Variants in ALMS1 observed in about 807,000 individuals in gnomAD.
ALMS1 encodes the protein centrosome-associated protein ALMS1.
In ALMS1, 271 loss-of-function variants were observed where a neutral mutation model predicts 352.2. That is an observed-to-expected ratio of 0.77 (90% confidence interval 0.70 to 0.85). The LOEUF (loss-of-function observed/expected upper bound fraction) is 0.85, where lower values mean the gene tolerates loss of function less well. Ranked by LOEUF, ALMS1 falls within the 40% of genes least tolerant of loss-of-function variation. The pLI is 0.00. For missense variants in ALMS1, 5,445 were observed against 4,870.7 expected (o/e 1.12, Z -3.51); for synonymous variants, 1,865 against 1,761.2 (o/e 1.06, Z -1.48).
intron 7 of ALMS1, among the ~76,000 whole-genome samples, chr2:73,438,660 C>G (rs941590171): frequency 6.6e-6 from 1 of 152,090 alleles, no homozygotes; most frequent in African/African-American, 2.4e-5. Context: ...TCTGAAGGAG[C>G]ATGGGTAGAG....
At chr2:73,550,681 C>T (rs1285651317) in intron 13 of ALMS1, among the ~76,000 whole-genome samples, 2 of 151,952 alleles carry the variant, frequency 1.3e-5, no homozygotes, top group African/African-American at 4.8e-5. Context: ...AAATATGATA[C>T]AACTTTTGAA....
Position 73,588,288 on chromosome 2 carries a change from C to G in ALMS1, c.11548-11113C>G, listed in dbSNP as rs148025841. Among the ~76,000 whole-genome samples the G allele has an allele frequency of 4.9e-3, 751 of 151,948 alleles. 4 individuals are homozygous for G. Among genetic ancestry groups the G allele is most frequent in the Non-Finnish European group, 8.0e-3 (544 of 67,932 alleles). ...CCCCTGCAGTCTCTGCAGTCCAGGC[C>G]CTCTTCTCTCTCTATGATCTCTTTG... On this transcript the variant is annotated intron_variant, in intron 16 of 22. Transcript: ENST00000613296.
Position 73,573,419 on chromosome 2 carries a change from A to G in ALMS1, c.11542A>G (p.Ile3848Val), listed in dbSNP as rs766018286. The G allele has an allele frequency of 2.3e-5, 37 of 1,614,030 alleles. No homozygotes were observed. In the South Asian group the frequency reaches 3.4e-4, roughly 15 times the overall value. The change falls in exon 16 of 23, where the codon ATC (isoleucine) becomes GTC (valine). Residue 3848 changes from isoleucine (I) to valine (V), a missense_variant. Transcript: ENST00000613296. Reference sequence around the variant, plus strand: ...TTCTGAGCACACCAGAAGGAGACACATCCAGGTACATGGCTACAGATTCCA... The same window carrying G: ...TTCTGAGCACACCAGAAGGAGACACGTCCAGGTACATGGCTACAGATTCCA... ...VTSEHTRRRH[I>V]QVANHVISSD...
Position 73,451,523 on chromosome 2 carries a change from T to C in ALMS1, c.4996T>C (p.Ser1666Pro). Residue 1666 changes from serine to proline, a missense_variant, in exon 8 of 23, where the codon TCA becomes CCA. Coordinates refer to ENST00000613296, the MANE Select transcript of ALMS1 (RefSeq NM_001378454.1). ...ATTACCAGTACATTCTACTAGCTACTCAAATAGGGGGAAGCCTGTCATTTT... is the reference window on the plus strand; with the variant it reads ...ATTACCAGTACATTCTACTAGCTACCCAAATAGGGGGAAGCCTGTCATTTT... Reference protein sequence around the residue: ...ETLPVHSTSYSNRGKPVIFYQ... With the variant: ...ETLPVHSTSYPNRGKPVIFYQ... The C allele has an allele frequency of 1.2e-6, 2 of 1,613,774 alleles. No individual in the cohort carries two copies. Among genetic ancestry groups the C allele is most frequent in the Non-Finnish European group, 1.7e-6 (2 of 1,179,898 alleles).
intron 9 of ALMS1, among the ~76,000 whole-genome samples, chr2:73,485,619 G>C (rs935085980): frequency 1.3e-5 from 2 of 152,210 alleles, no homozygotes; most frequent in Non-Finnish European, 2.9e-5. Context: ...GAGCTTCCAG[G>C]CTGCTTTGTT....
chr2:73,464,191 C>T (rs545530141), intron 9 of ALMS1, among the ~76,000 whole-genome samples: 36 of 152,244 alleles, frequency 2.4e-4, no homozygotes, highest in African/African-American at 8.7e-4. Context: ...ATGCAAAAAT[C>T]CTCAATAAAA....
chr2:73,522,076 T>G (rs950542694), intron 11 of ALMS1, among the ~76,000 whole-genome samples: 8 of 152,306 alleles, frequency 5.3e-5, no homozygotes, highest in Admixed American at 4.6e-4. Context: ...CATTATTTGC[T>G]ATGTATTCAC....
chr2:73,448,868 A>G lies in ALMS1; in HGVS notation c.2341A>G (p.Ser781Gly). 1 of 1,613,742 alleles carries G rather than the reference A, an allele frequency of 6.2e-7. No homozygotes were observed. Among genetic ancestry groups the G allele is most frequent in the Non-Finnish European group, 8.5e-7 (1 of 1,179,892 alleles). ...SILYPQDLAD[S>G]HLPEEGLKVS... Reference sequence around the variant, plus strand: ...TTTGTACCCACAGGACTTAGCAGACAGTCATCTACCTGAAGAGGGTCTGAA... The same window carrying G: ...TTTGTACCCACAGGACTTAGCAGACGGTCATCTACCTGAAGAGGGTCTGAA... Residue 781 changes from serine to glycine, a missense_variant, in exon 8 of 23, where the codon AGT (serine) becomes GGT (glycine). Physicochemically the swap from Ser to Gly is moderately conservative, Grantham distance 56 (BLOSUM62 0). Coordinates refer to ENST00000613296, the MANE Select transcript of ALMS1 (RefSeq NM_001378454.1).
At chr2:73,525,783 G>A (rs1013590520) in intron 11 of ALMS1, among the ~76,000 whole-genome samples, 2 of 152,062 alleles carry the variant, frequency 1.3e-5, no homozygotes, top group Admixed American at 6.6e-5. Context: ...AACTTGATGT[G>A]ATCACATTTG....
At position 73,550,292 on chromosome 2, in the gene ALMS1, C is replaced by G; in HGVS notation, c.9933C>G (p.Asp3311Glu). 1 of 1,614,142 alleles carries G rather than the reference C, an allele frequency of 6.2e-7. No homozygotes were observed. The highest frequency in any genetic ancestry group is 8.5e-7 in the Non-Finnish European group (1 of 1,179,984). Residue 3311 changes from aspartate to glutamate, a missense_variant, in exon 13 of 23, where the codon GAC becomes GAG. By Grantham distance (45) the Asp-to-Glu change is conservative (BLOSUM62 2). Coordinates refer to ENST00000613296, the MANE Select transcript of ALMS1 (RefSeq NM_001378454.1). ...HSGSNDAIAP[D>E]FPAQVLGTRD... is the part of the protein sequence containing the mutation. ...GATCCAATGATGCCATTGCTCCAGA[C>G]TTCCCAGCTCAGGTGCTAGGCACAA...
intron 9 of ALMS1, among the ~76,000 whole-genome samples, chr2:73,484,954 G>T (rs955595166): frequency 7.2e-5 from 11 of 152,064 alleles, no homozygotes; most frequent in South Asian, 2.1e-4. Flanking sequence ...CTCTGTATTG[G>T]TTATTCTAGT....
rs1671984408 is a variant in ALMS1 at position 73,453,111 on chromosome 2, A to T, written c.6584A>T (p.His2195Leu). The stretch of plus-strand genomic sequence containing the variant: ...GGTACTTACTCACATGGTGAGAATC[A>T]CAAGCTTGTTTCAGAACATGTCCAA... Reference protein sequence around the residue: ...PSGTYSHGENHKLVSEHVQRL... With the variant: ...PSGTYSHGENLKLVSEHVQRL... Residue 2195 changes from histidine (H) to leucine (L), a missense_variant, in exon 8 of 23, where the codon CAC becomes CTC. Transcript: ENST00000613296. 2 of 1,613,936 alleles carry T rather than the reference A, an allele frequency of 1.2e-6. No individual in the cohort carries two copies. The highest frequency in any genetic ancestry group is 2.7e-5 in the African/African-American group (2 of 74,938).
Position 73,489,910 on chromosome 2 carries a change from C to T in ALMS1, c.7951C>T (p.His2651Tyr). 6.2e-7 allele frequency: 1 copy of T among 1,614,190 alleles called. No individual in the cohort carries two copies. Among genetic ancestry groups the T allele is most frequent in the African/African-American group, 1.3e-5 (1 of 75,048 alleles). Residue 2651 changes from histidine (H) to tyrosine (Y), a missense_variant, in exon 10 of 23, where the codon CAT (histidine) becomes TAT (tyrosine). His to Tyr is a moderately conservative substitution (Grantham distance 83). Coordinates refer to ENST00000613296, the MANE Select transcript of ALMS1 (RefSeq NM_001378454.1). Reference protein sequence around the residue: ...KVWNSLQLKSHSPFQNFIPDE... With the variant: ...KVWNSLQLKSYSPFQNFIPDE... Reference sequence around the variant, plus strand: ...TTGGAATTCCTTGCAGTTAAAAAGTCATTCCCCATTTCAGAACTTTATACC... The same window carrying T: ...TTGGAATTCCTTGCAGTTAAAAAGTTATTCCCCATTTCAGAACTTTATACC...
chr2:73,423,635 C>G (rs931696392), intron 4 of ALMS1, among the ~76,000 whole-genome samples: 1 of 149,208 alleles, frequency 6.7e-6, no homozygotes, highest in Admixed American at 6.7e-5. Flanking sequence ...TAACCTCTGT[C>G]CTTATACTAT....
rs936723133 is a variant in ALMS1 at position 73,448,990 on chromosome 2, C to T, written c.2463C>T (p.Tyr821=). ...ACAGAGAGAAGCTCCTTGTTTTCTA[C>T]CAACAGGCCTTGCTGGACAGCCATC... ...YSHREKLLVF[Y]QQALLDSHLP... is the part of the protein sequence containing the mutation. Residue 821 remains tyrosine (Y), a synonymous_variant, in exon 8 of 23, where the codon TAC becomes TAT. Transcript: ENST00000613296. 34 of 1,613,890 alleles carry T rather than the reference C, an allele frequency of 2.1e-5. No individual in the cohort carries two copies. The highest frequency in any genetic ancestry group is 2.8e-5 in the Non-Finnish European group (33 of 1,179,962).
At chr2:73,403,842 G>A (rs962511365) in intron 1 of ALMS1, among the ~76,000 whole-genome samples, 8 of 152,052 alleles carry the variant, frequency 5.3e-5, no homozygotes, top group Admixed American at 5.2e-4. Flanking sequence ...AGTTATTTGT[G>A]TACAGAAGTG....
Position 73,386,201 on chromosome 2 carries a change from G to C in ALMS1, c.324+9G>C. On this transcript the variant is annotated intron_variant, in intron 1 of 22. Coordinates refer to ENST00000613296, the MANE Select transcript of ALMS1 (RefSeq NM_001378454.1). ...GGACCTCCCTGGAGAAGGTGAGGCG[G>C]GCCGGGGAGGGGTGTGGAGCCGCGG... 6.6e-7 allele frequency: 1 copy of C among 1,525,154 alleles called. No homozygotes were observed. The highest frequency in any genetic ancestry group is 8.8e-7 in the Non-Finnish European group (1 of 1,133,300). 94.5% of individuals were successfully genotyped at this position (1,525,154 alleles called of 1,614,324 possible). A position where few individuals can be genotyped will look rare whatever the true frequency, so the allele number is the denominator to read the frequency against.
chr2:73,488,457 G>A (rs12479243), intron 9 of ALMS1, among the ~76,000 whole-genome samples: 6,675 of 152,288 alleles, frequency 0.044, 364 homozygotes, highest in African/African-American at 0.11. Flanking sequence ...GGGGCAGGGG[G>A]AGTTCCCAGA....
At chr2:73,560,899 G>A (rs7604682) in intron 15 of ALMS1, among the ~76,000 whole-genome samples, 58,269 of 152,080 alleles carry the variant, frequency 0.38, 15,473 homozygotes, top group African/African-American at 0.76. Context: ...AAACAGGAGA[G>A]TCTTTTATTG....
Sources: allele counts gnomAD v4.1 joint callset (sites outside exome capture counted in the v4.1 genomes callset), GRCh38; gene constraint gnomAD v4.1.1; transcripts MANE v1.5; gene names NCBI Gene and HGNC (gene_info 2026-07-23, HGNC 2026-07-21).